XPO6: variants seen among roughly 807,000 people sequenced by gnomAD.
XPO6 encodes the protein exportin-6.
XPO6 carries 3 observed loss-of-function variants against 130.0 expected under a neutral mutation model. That is an observed-to-expected ratio of 0.02 (90% CI 0.01 to 0.06). The LOEUF is 0.06. Among genes scored for constraint, XPO6 ranks in the 10% least tolerant of loss-of-function variants. The pLI is 1.00. For missense variants in XPO6, 970 were observed against 1,393.0 expected, an observed-to-expected ratio of 0.70 and a Z score of 4.83; for synonymous variants, 524 against 548.9, an observed-to-expected ratio of 0.95 and a Z score of 0.63.
intron 8 of XPO6, among the ~76,000 whole-genome samples, chr16:28,150,267 G>A (rs752852304): frequency 6.6e-5 from 10 of 152,306 alleles, no homozygotes; most frequent in Non-Finnish European, 1.3e-4. Flanking sequence ...CTCATCTGAC[G>A]ATTCCAGGTA....
chr16:28,177,061 C>T (rs1233763452), intron 3 of XPO6, among the ~76,000 whole-genome samples, 159 bp downstream of exon 3: 1 of 152,090 alleles, frequency 6.6e-6, no homozygotes, highest in East Asian at 1.9e-4. Context: ...TGGAAGATGC[C>T]CCAAACACCA....
intron 10 of XPO6, among the ~76,000 whole-genome samples, 188 bp from the exon 11 acceptor site, chr16:28,134,121 C>T (rs2042728944): frequency 6.6e-6 from 1 of 152,234 alleles, no homozygotes; most frequent in South Asian, 2.1e-4. Flanking sequence ...AAAACTACTT[C>T]CTCAGAAAGT....
rs375319532 is a variant in XPO6, at chr16:28,132,386, G to A, written c.1554C>T (p.Asp518=). 3 of 1,604,960 alleles carry A rather than the reference G, an allele frequency of 1.9e-6. No homozygotes were observed. The highest frequency in any genetic ancestry group is 2.6e-6 in the Non-Finnish European group (3 of 1,175,668). ...GTAATCCCAAATAAACTTCTAAATT[G>A]TCCTGAAGAACAGGGAACTGAAAAC... ...AFSTLFPVLQ[D]NLEVYLGLQQ... The change falls in exon 12 of 24, where the codon GAC becomes GAT. Residue 518 remains aspartate, a synonymous_variant. Coordinates refer to ENST00000304658, the MANE Select transcript of XPO6 (RefSeq NM_015171.4). This position sits in a 1 kb window ranked among gnomAD's most constrained non-coding sequence, Gnocchi z 4.0.
chr16:28,111,729 A>G, intron 17 of XPO6, 88 bp downstream of exon 17: 4 of 1,489,284 alleles, frequency 2.7e-6, no homozygotes, highest in Non-Finnish European at 3.6e-6. Context: ...AATTTACCTC[A>G]GGAGCCTCCG....
chr16:28,165,732 G>C lies in XPO6; in HGVS notation c.643+776C>G, dbSNP rs143187598. On this transcript the variant is annotated intron_variant, in intron 6 of 23. Transcript: ENST00000304658. ...GAAGATGTGGAAATATTTCTCATTA[G>C]CCACATCAACCTTTACAGTAGAGGA... Among the ~76,000 whole-genome samples the C allele has an allele frequency of 3.6e-3, 542 of 152,274 alleles. 5 individuals carry two copies. Among genetic ancestry groups the C allele is most frequent in the African/African-American group, 0.013 (524 of 41,532 alleles).
At position 28,175,889 on chromosome 16, in the gene XPO6, T is replaced by C. The variant is rs777702814; in HGVS notation, c.405+9A>G. On this transcript the variant is annotated intron_variant, in intron 4 of 23. Coordinates refer to ENST00000304658, the MANE Select transcript of XPO6 (RefSeq NM_015171.4). ...TCACAAGATAAAGTTTCCTTAGGCA[T>C]ATCCTTACCTGTAAAATGTTAGTAA... The C allele has an allele frequency of 4.3e-6, 7 of 1,612,410 alleles. No homozygotes were observed. The African/African-American group carries it at 6.7e-5, about 15-fold the overall frequency.
chr16:28,209,412 G>A (rs1294430911), intron 1 of XPO6, among the ~76,000 whole-genome samples: 1 of 152,064 alleles, frequency 6.6e-6, no homozygotes, highest in Non-Finnish European at 1.5e-5. Flanking sequence ...GGCCGAGGCG[G>A]GTGGATCACC....
At chr16:28,129,532 T>C (rs1265553767) in intron 12 of XPO6, among the ~76,000 whole-genome samples, 1,877 of 152,254 alleles carry the variant, frequency 0.012, 37 homozygotes, top group African/African-American at 0.043. Flanking sequence ...ACCAAGTCAT[T>C]CTAAAGCTGT....
chr16:28,159,024 G>A lies in XPO6; in HGVS notation c.644-2497C>T, dbSNP rs556653303. ...GCGGGCAGATCACTTGAGCCCAGGA[G>A]TTCAAAACCAGCTTGGGCAACATAG... On this transcript the variant is annotated intron_variant, in intron 6 of 23. Transcript: ENST00000304658. Among the ~76,000 whole-genome samples the A allele has an allele frequency of 1.2e-3, 186 of 152,218 alleles. 1 individual carries two copies. The highest frequency in any genetic ancestry group is 7.9e-3 in the South Asian group (38 of 4,822).
At chr16:28,163,824 C>T (rs2043314940) in intron 6 of XPO6, among the ~76,000 whole-genome samples, 2 of 152,140 alleles carry the variant, frequency 1.3e-5, no homozygotes, top group Non-Finnish European at 2.9e-5. Context: ...ATTTGGAATT[C>T]TAGGGTTCTG....
intron 23 of XPO6, among the ~76,000 whole-genome samples, chr16:28,100,822 T>A (rs1346362230): frequency 1.3e-5 from 2 of 152,156 alleles, no homozygotes; most frequent in Non-Finnish European, 2.9e-5. Flanking sequence ...CAAGATGGCC[T>A]CATGGACACC....
At chr16:28,125,634 A>C (rs1033303741) in intron 13 of XPO6, 55 bp downstream of exon 13, 1 of 1,572,808 alleles carries the variant, frequency 6.4e-7, no homozygotes, top group Non-Finnish European at 8.7e-7. Context: ...TCACACAAGA[A>C]GGTAAAGCTG....
At chr16:28,133,071 T>C (rs569352501) in intron 11 of XPO6, among the ~76,000 whole-genome samples, 64 of 152,330 alleles carry the variant, frequency 4.2e-4, no homozygotes, top group African/African-American at 1.2e-3. Flanking sequence ...GGGCGGTGGC[T>C]CACGCCTGTA....
At chr16:28,166,849 T>C in intron 5 of XPO6, 1 of 982,332 alleles carries the variant, frequency 1.0e-6, no homozygotes, top group African/African-American at 1.7e-5. Context: ...ACCTGGTTGC[T>C]GCATGCACTC....
intron 23 of XPO6, among the ~76,000 whole-genome samples, chr16:28,100,444 C>G (rs1053861943): frequency 1.1e-4 from 17 of 152,186 alleles, no homozygotes; most frequent in African/African-American, 4.1e-4. Context: ...TAGGAGAGAA[C>G]AAGTCCCAAG....
At position 28,181,097 on chromosome 16, in the gene XPO6, T is replaced by C; in HGVS notation, c.4-66A>G. On this transcript the variant is annotated intron_variant, in intron 1 of 23. Coordinates refer to ENST00000304658, the MANE Select transcript of XPO6 (RefSeq NM_015171.4). ...TCAGTTCCACTGTTCCTCAGTTCCT[T>C]CTAGGTCACATTCAACAGCAAGAGC... 3.2e-6 allele frequency: 4 copies of C among 1,255,748 alleles called. No individual in the cohort carries two copies. In the East Asian group the frequency reaches 7.2e-5, roughly 23 times the overall value. The allele number at this position is 1,255,748 out of a possible 1,614,324, so 77.8% of individuals were successfully genotyped here.
intron 14 of XPO6, among the ~76,000 whole-genome samples, chr16:28,120,897 A>C (rs2087218801): frequency 6.6e-6 from 1 of 152,236 alleles, no homozygotes; most frequent in Non-Finnish European, 1.5e-5. Context: ...AACCACTCCC[A>C]GACCGTATGT....
chr16:28,165,880 T>C (rs1221455951), intron 6 of XPO6, among the ~76,000 whole-genome samples: 1 of 152,196 alleles, frequency 6.6e-6, no homozygotes, highest in Non-Finnish European at 1.5e-5. Flanking sequence ...TTTCCATCCA[T>C]CCTTGAAAGT....
At chr16:28,163,145 A>G (rs1447957328) in intron 6 of XPO6, among the ~76,000 whole-genome samples, 1 of 152,218 alleles carries the variant, frequency 6.6e-6, no homozygotes, top group East Asian at 1.9e-4. Flanking sequence ...TGGCCAGTAA[A>G]ATGGGGGAAA....
Sources: allele counts gnomAD v4.1 joint callset (sites outside exome capture counted in the v4.1 genomes callset), GRCh38; gene constraint gnomAD v4.1.1; non-coding constraint Gnocchi (gnomAD v3.1); transcripts MANE v1.5; gene names NCBI Gene and HGNC (gene_info 2026-07-23, HGNC 2026-07-21).